The following MCTP2 variants were observed in gnomAD, a reference collection of about 807,000 sequenced individuals.
MCTP2 encodes the protein multiple C2 and transmembrane domain containing 2.
A neutral mutation model predicts 111.6 loss-of-function variants in MCTP2; 132 were observed. The observed-to-expected ratio is 1.18, with a 90% CI of 1.03 to 1.37. The LOEUF (loss-of-function observed/expected upper bound fraction) is 1.37, where lower values mean the gene tolerates loss of function less well. Ranked by LOEUF, MCTP2 falls within the 40% of genes most tolerant of loss-of-function variation. The pLI, the probability that MCTP2 is intolerant of heterozygous loss-of-function variation, is 0.00. For missense variants in MCTP2, 1,183 were observed against 1,067.9 expected, an observed-to-expected ratio of 1.11 and a Z score of -1.50; for synonymous variants, 395 against 387.7, an observed-to-expected ratio of 1.02 and a Z score of -0.22.
chr15:94,298,695 A>C lies in MCTP2; in HGVS notation c.430A>C (p.Thr144Pro). ...SSNGIFDLQK[T>P]SLGGDAPEEP... ...CAACGGCATCTTTGATCTTCAGAAA[A>C]CTTCCCTTGGAGGGGATGCACCAGA... The change falls in exon 2 of 23, where the codon ACT becomes CCT. Residue 144 changes from threonine (T) to proline (P), a missense_variant. By Grantham distance (38) the Thr-to-Pro change is conservative. Transcript: ENST00000357742. 2 of 1,611,998 alleles carry C rather than the reference A, an allele frequency of 1.2e-6. No individual in the cohort carries two copies. Among genetic ancestry groups the C allele is most frequent in the South Asian group, 2.2e-5 (2 of 90,960 alleles).
chr15:94,276,881 A>G (rs2074243760), intron 1 of MCTP2, among the ~76,000 whole-genome samples: 1 of 148,542 alleles, frequency 6.7e-6, no homozygotes, highest in Admixed American at 6.7e-5. Context: ...TTAGCCTAAA[A>G]TGTCTTAAGG....
intron 20 of MCTP2, among the ~76,000 whole-genome samples, chr15:94,467,671 T>G (rs1011716484): frequency 6.6e-6 from 1 of 152,222 alleles, no homozygotes; most frequent in Non-Finnish European, 1.5e-5. Context: ...TAAATATTAC[T>G]AACCAGCCTG....
At chr15:94,359,742 G>C (rs981333749) in intron 10 of MCTP2, among the ~76,000 whole-genome samples, 1 of 152,128 alleles carries the variant, frequency 6.6e-6, no homozygotes, top group African/African-American at 2.4e-5. Flanking sequence ...TTTTTCATCA[G>C]TAAGGTGTTT....
chr15:94,370,752 G>A (rs930286098), intron 12 of MCTP2, among the ~76,000 whole-genome samples: 6 of 152,090 alleles, frequency 3.9e-5, no homozygotes, highest in African/African-American at 1.4e-4. Flanking sequence ...TCTGCTGCAC[G>A]TAGAGTAATC....
rs1397717483 is a variant in MCTP2, at chr15:94,316,779, ATGATATTTATTTAT to A, written c.637+1144_637+1157del. ...GGCAAATATATCTGTTTTTTTCTTT[ATGATATTTATTTAT>A]TTATTTGGTTCAGTAGCTGAGGCCT... On this transcript the variant is annotated intron_variant, in intron 4 of 22. Coordinates refer to ENST00000357742, the MANE Select transcript of MCTP2 (RefSeq NM_001385001.1). 2.0e-5 allele frequency among the ~76,000 whole-genome samples: 3 copies of A among 151,072 alleles called. No homozygotes were observed. The East Asian group carries it at 5.8e-4, about 29-fold the overall frequency.
chr15:94,336,557 A>T (rs976996984), intron 4 of MCTP2, among the ~76,000 whole-genome samples: 3 of 152,122 alleles, frequency 2.0e-5, no homozygotes, highest in South Asian at 2.1e-4. Flanking sequence ...CGAGGCAGAC[A>T]TGATGACCCG....
intron 17 of MCTP2, among the ~76,000 whole-genome samples, chr15:94,405,400 T>C (rs111761515): frequency 1.7e-3 from 254 of 152,364 alleles, no homozygotes; most frequent in Non-Finnish European, 2.8e-3. Context: ...TGGATGCCTA[T>C]GTACATGTGC....
chr15:94,309,966 A>G (rs1457013315), intron 2 of MCTP2, among the ~76,000 whole-genome samples: 1 of 152,230 alleles, frequency 6.6e-6, no homozygotes, highest in Non-Finnish European at 1.5e-5. Flanking sequence ...GAATGCTAGT[A>G]TGTAATTAGA....
chr15:94,355,895 G>A, intron 8 of MCTP2: 3 of 1,063,220 alleles, frequency 2.8e-6, no homozygotes, highest in Non-Finnish European at 3.4e-6. Flanking sequence ...GTACCGGCCA[G>A]TGCCAAGTCA....
chr15:94,465,081 C>G (rs1279761784), intron 20 of MCTP2, among the ~76,000 whole-genome samples: 1 of 152,088 alleles, frequency 6.6e-6, no homozygotes, highest in Non-Finnish European at 1.5e-5. Context: ...CTAATCCTCC[C>G]TTGAATTTTA....
rs755287019 is a variant in MCTP2 at position 94,267,869 on chromosome 15, C to CTTTTTTTTTTTTTTTTTTTT, written c.-65-30318_-65-30317insTTTTTTTTTTTTTTTTTTTT. Among the ~76,000 whole-genome samples the CTTTTTTTTTTTTTTTTTTTT allele has an allele frequency of 5.3e-3, 413 of 77,436 alleles. 70 individuals carry two copies. The highest frequency in any genetic ancestry group is 0.013 in the African/African-American group (222 of 17,426). The allele number at this position is 77,436 out of a possible 152,430, so 50.8% of individuals were successfully genotyped here. On this transcript the variant is annotated intron_variant, in intron 1 of 22. Coordinates refer to ENST00000357742, the MANE Select transcript of MCTP2 (RefSeq NM_001385001.1). ...GGTCTGGATTACTTTCCTTTTCTTT[C>CTTTTTTTTTTTTTTTTTTTT]TTTTTTTTTTTTTTGAGACAGAGTC...
intron 12 of MCTP2, among the ~76,000 whole-genome samples, chr15:94,371,380 T>C (rs986265614): frequency 1.1e-4 from 16 of 152,222 alleles, no homozygotes; most frequent in African/African-American, 3.9e-4. Flanking sequence ...ACAGTCAACA[T>C]TTCACATGTG....
chr15:94,245,378 G>A (rs1315968650), intron 1 of MCTP2, among the ~76,000 whole-genome samples: 4 of 122,200 alleles, frequency 3.3e-5, no homozygotes, highest in East Asian at 5.1e-4. Flanking sequence ...ACATACATAT[G>A]TATATGTATT....
chr15:94,443,905 G>A (rs774388758), intron 19 of MCTP2, among the ~76,000 whole-genome samples: 1 of 135,130 alleles, frequency 7.4e-6, no homozygotes, highest in Non-Finnish European at 1.5e-5. Context: ...GTTAGCTAGC[G>A]GTTTCTGAGT....
intron 19 of MCTP2, among the ~76,000 whole-genome samples, chr15:94,446,765 G>T (rs1450855995): frequency 6.6e-6 from 1 of 152,166 alleles, no homozygotes; most frequent in African/African-American, 2.4e-5. Context: ...TGCATTGTGG[G>T]TTGGTTTGTT....
At chr15:94,449,185 A>T (rs2084296721) in intron 19 of MCTP2, among the ~76,000 whole-genome samples, 1 of 152,252 alleles carries the variant, frequency 6.6e-6, no homozygotes, top group Admixed American at 6.5e-5. Context: ...AACAAGAATA[A>T]TAAATTAAAA....
At chr15:94,287,905 G>T (rs2074837506) in intron 1 of MCTP2, among the ~76,000 whole-genome samples, 1 of 152,142 alleles carries the variant, frequency 6.6e-6, no homozygotes, top group Non-Finnish European at 1.5e-5. Flanking sequence ...GTGGCCCAAG[G>T]AGAAAAGGGA....
chr15:94,410,024 T>C (rs1377093254), intron 17 of MCTP2, among the ~76,000 whole-genome samples: 1 of 152,002 alleles, frequency 6.6e-6, no homozygotes, highest in Non-Finnish European at 1.5e-5. Flanking sequence ...TCCCTTATAT[T>C]TGAAAACAAG....
intron 1 of MCTP2, among the ~76,000 whole-genome samples, chr15:94,283,303 C>T (rs1409569282): frequency 1.3e-5 from 2 of 152,118 alleles, no homozygotes; most frequent in Admixed American, 1.3e-4. Context: ...CTTGCTCTGT[C>T]GGGGTCCAGC....
Sources: allele counts gnomAD v4.1 joint callset (sites outside exome capture counted in the v4.1 genomes callset), GRCh38; gene constraint gnomAD v4.1.1; transcripts MANE v1.5; gene names NCBI Gene and HGNC (gene_info 2026-07-23, HGNC 2026-07-21).